CNTNAP2: variants seen among roughly 807,000 people sequenced by gnomAD.
CNTNAP2 encodes contactin-associated protein-like 2.
In CNTNAP2, 98 loss-of-function variants were observed where a neutral mutation model predicts 155.2. That is an observed-to-expected ratio of 0.63 (90% CI 0.54 to 0.75). The LOEUF is 0.75. CNTNAP2 is among the 30% of genes least tolerant of loss of function. CNTNAP2 has a pLI of 0.00. For missense variants in CNTNAP2, 1,727 were observed against 1,688.1 expected (o/e 1.02, Z -0.40); for synonymous variants, 651 against 631.2 (o/e 1.03, Z -0.47).
intron 3 of CNTNAP2, among the ~76,000 whole-genome samples, chr7:146,852,288 C>T (rs1321532443): frequency 6.6e-6 from 1 of 152,116 alleles, no homozygotes; most frequent in East Asian, 1.9e-4. Flanking sequence ...GTAAGAAAGA[C>T]AATATCTTCT....
chr7:147,355,127 C>T (rs1222600677), intron 9 of CNTNAP2, among the ~76,000 whole-genome samples: 1 of 151,900 alleles, frequency 6.6e-6, no homozygotes, highest in Non-Finnish European at 1.5e-5. Flanking sequence ...GTGACCAGAT[C>T]ATGGCCATTG....
At chr7:147,404,795 G>T (rs1169455896) in intron 10 of CNTNAP2, among the ~76,000 whole-genome samples, 1 of 152,062 alleles carries the variant, frequency 6.6e-6, no homozygotes, top group Non-Finnish European at 1.5e-5. Context: ...TGACCTAAAA[G>T]TATCACATAC....
At chr7:146,706,552 T>A (rs1800968862) in intron 1 of CNTNAP2, among the ~76,000 whole-genome samples, 1 of 152,112 alleles carries the variant, frequency 6.6e-6, no homozygotes, top group Non-Finnish European at 1.5e-5. Context: ...GGCCGCTGAA[T>A]GTCCAAAGTT....
chr7:146,328,464 G>A (rs938819691), intron 1 of CNTNAP2, among the ~76,000 whole-genome samples: 1 of 151,972 alleles, frequency 6.6e-6, no homozygotes, highest in Non-Finnish European at 1.5e-5. Flanking sequence ...TTTGTACATT[G>A]TGAAAAGACT....
At chr7:147,250,351 A>C (rs1339998476) in intron 8 of CNTNAP2, among the ~76,000 whole-genome samples, 1 of 152,046 alleles carries the variant, frequency 6.6e-6, no homozygotes, top group Non-Finnish European at 1.5e-5. Context: ...TTTCACCTGC[A>C]AGGAGAAAAA....
chr7:147,441,323 G>T (rs893383797), intron 10 of CNTNAP2, among the ~76,000 whole-genome samples: 1 of 151,900 alleles, frequency 6.6e-6, no homozygotes. Flanking sequence ...TCTCAATCTT[G>T]TTGTTAAATT....
At chr7:147,246,947 C>T (rs1481069092) in intron 8 of CNTNAP2, among the ~76,000 whole-genome samples, 1 of 152,066 alleles carries the variant, frequency 6.6e-6, no homozygotes, top group Non-Finnish European at 1.5e-5. Flanking sequence ...AATCTAAACC[C>T]AACAAAAAAG....
intron 1 of CNTNAP2, among the ~76,000 whole-genome samples, chr7:146,636,863 C>T (rs913196820): frequency 4.6e-5 from 7 of 152,328 alleles, no homozygotes; most frequent in African/African-American, 7.2e-5. Context: ...AAAATCCCCT[C>T]ATAACCTTGC....
chr7:147,488,141 C>T (rs1798542587), intron 11 of CNTNAP2, among the ~76,000 whole-genome samples: 1 of 152,136 alleles, frequency 6.6e-6, no homozygotes, highest in South Asian at 2.1e-4. Flanking sequence ...CTTACTTATC[C>T]AAATGGATTA....
At chr7:148,172,875 C>A (rs1476255328) in intron 18 of CNTNAP2, among the ~76,000 whole-genome samples, 1 of 152,234 alleles carries the variant, frequency 6.6e-6, no homozygotes, top group African/African-American at 2.4e-5. Flanking sequence ...TCAGCCAGTG[C>A]ACCCCAGTGG....
intron 10 of CNTNAP2, among the ~76,000 whole-genome samples, chr7:147,483,645 C>A (rs938304279): frequency 6.6e-6 from 1 of 152,128 alleles, no homozygotes; most frequent in Non-Finnish European, 1.5e-5. Context: ...CTAATATTAA[C>A]CCGCAATAAT....
chr7:146,925,247 C>T (rs1001993238), intron 3 of CNTNAP2, among the ~76,000 whole-genome samples: 23 of 152,058 alleles, frequency 1.5e-4, no homozygotes, highest in African/African-American at 5.1e-4. Context: ...ATATATAAAT[C>T]GCACCTTTAT....
chr7:146,163,553 ATATC>A (rs1215743375), intron 1 of CNTNAP2, among the ~76,000 whole-genome samples: 8 of 140,892 alleles, frequency 5.7e-5, no homozygotes, highest in Middle Eastern at 3.4e-3. Flanking sequence ...CTATATATCT[ATATC>A]TATATCTATC....
intron 16 of CNTNAP2, among the ~76,000 whole-genome samples, chr7:148,120,234 C>T (rs569648581): frequency 1.5e-4 from 22 of 147,748 alleles, no homozygotes; most frequent in Non-Finnish European, 2.8e-4. Flanking sequence ...TCTACTCAGC[C>T]CTCGGGGTCA....
chr7:147,338,273 G>A (rs1795698575), intron 9 of CNTNAP2, among the ~76,000 whole-genome samples: 1 of 151,852 alleles, frequency 6.6e-6, no homozygotes, highest in African/African-American at 2.4e-5. Flanking sequence ...GAACAGCATG[G>A]GATAAACCAC....
intron 13 of CNTNAP2, among the ~76,000 whole-genome samples, chr7:147,839,939 T>TACACACAGCAC (rs1554440773): frequency 6.7e-6 from 1 of 149,746 alleles, no homozygotes; most frequent in Non-Finnish European, 1.5e-5. Flanking sequence ...TATATATGTA[T>TACACACAGCAC]ACACACACAC....
At chr7:148,238,334 C>T (rs1478310552) in intron 20 of CNTNAP2, among the ~76,000 whole-genome samples, 1 of 151,958 alleles carries the variant, frequency 6.6e-6, no homozygotes, top group South Asian at 2.1e-4. Context: ...GGTGACAGAG[C>T]GAAACTCCAT....
At chr7:147,959,602 T>C (rs749885954) in intron 14 of CNTNAP2, among the ~76,000 whole-genome samples, 5 of 152,158 alleles carry the variant, frequency 3.3e-5, no homozygotes, top group Non-Finnish European at 7.3e-5. Context: ...GTCATGTTTA[T>C]ACCGACCTTG....
At chr7:147,835,826 C>G (rs1307647343) in intron 13 of CNTNAP2, among the ~76,000 whole-genome samples, 1 of 152,184 alleles carries the variant, frequency 6.6e-6, no homozygotes, top group East Asian at 1.9e-4. Flanking sequence ...AGAGAAGCAA[C>G]TCATGTGAAG....
Sources: gnomAD v4.1 joint callset for allele counts (sites outside exome capture counted in the v4.1 genomes callset) on GRCh38, gnomAD v4.1.1 for gene constraint, MANE v1.5 for transcripts, NCBI Gene and HGNC (gene_info 2026-07-23, HGNC 2026-07-21) for gene names.